Variants in CYP20A1 observed in about 807,000 individuals in gnomAD.
CYP20A1 encodes the protein cytochrome P450 20A1.
In CYP20A1, 61 loss-of-function variants were observed where a neutral mutation model predicts 61.4. The observed-to-expected ratio is 0.99, with a 90% CI of 0.81 to 1.23. The LOEUF (loss-of-function observed/expected upper bound fraction) is 1.23. Ranked by LOEUF, CYP20A1 falls within the 50% of genes most tolerant of loss-of-function variation. The probability of loss-of-function intolerance (pLI) is 0.00; values close to 1 mark genes in which losing one functional copy is unlikely to be tolerated. For missense variants in CYP20A1, 530 were observed against 542.4 expected (o/e 0.98, Z 0.23); for synonymous variants, 193 against 188.2 (o/e 1.03, Z -0.21).
chr2:203,279,038 C>G (rs1465279604), intron 7 of CYP20A1, among the ~76,000 whole-genome samples: 2 of 152,136 alleles, frequency 1.3e-5, no homozygotes, highest in Non-Finnish European at 2.9e-5. Context: ...GATCTCTGCT[C>G]ACTGCAACCT....
intron 4 of CYP20A1, among the ~76,000 whole-genome samples, chr2:203,257,750 C>T (rs2066947181): frequency 6.6e-6 from 1 of 151,796 alleles, no homozygotes; most frequent in African/African-American, 2.4e-5. Context: ...GATCGCTCCA[C>T]TGCACACCAG....
intron 8 of CYP20A1, among the ~76,000 whole-genome samples, chr2:203,284,306 C>G (rs1022096878): frequency 1.3e-5 from 2 of 152,104 alleles, no homozygotes; most frequent in Non-Finnish European, 2.9e-5. Context: ...GTATTTGACA[C>G]AGGAACAATA....
intron 10 of CYP20A1, among the ~76,000 whole-genome samples, chr2:203,291,636 A>G (rs1460843482): frequency 1.3e-5 from 2 of 151,396 alleles, no homozygotes; most frequent in African/African-American, 2.4e-5. Context: ...AATAACTTTT[A>G]CTGTTGCTTA....
At chr2:203,293,893 G>A (rs2068655778) in intron 11 of CYP20A1, among the ~76,000 whole-genome samples, 1 of 152,034 alleles carries the variant, frequency 6.6e-6, no homozygotes, top group African/African-American at 2.4e-5. Flanking sequence ...TTTAATATAT[G>A]CATTTCTTCA....
chr2:203,251,793 G>GTACATATA (rs1553513991), intron 3 of CYP20A1, among the ~76,000 whole-genome samples, 174 bp from the exon 4 acceptor site: 22 of 64,208 alleles, frequency 3.4e-4, no homozygotes, highest in African/African-American at 9.0e-4. Flanking sequence ...ATATATATGT[G>GTACATATA]TATATATATA....
rs375336499 is a variant in CYP20A1, at chr2:203,246,863, C to T, written c.231C>T (p.Leu77=). 5.2e-5 allele frequency: 84 copies of T among 1,614,140 alleles called. 1 individual carries two copies. In the South Asian group the frequency reaches 6.7e-4, roughly 13 times the overall value. Residue 77 remains leucine, a synonymous_variant, in exon 3 of 13, where the codon CTC becomes CTT. Coordinates refer to ENST00000356079, the MANE Select transcript of CYP20A1 (RefSeq NM_177538.3). ...TCTCCTTCTGGTTTGGCAGGCGCCT[C>T]GTGGTTAGTTTGGGCACTGTTGATG... The part of the protein sequence containing the change: ...PVVSFWFGRR[L]VVSLGTVDVL...
Position 203,305,057 on chromosome 2 carries a change from T to C in CYP20A1, c.*8149T>C, listed in dbSNP as rs917833181. Among the ~76,000 whole-genome samples, 1 of 152,172 alleles carries C rather than the reference T, an allele frequency of 6.6e-6. No homozygotes were observed. Among genetic ancestry groups the C allele is most frequent in the African/African-American group, 2.4e-5 (1 of 41,450 alleles). The stretch of plus-strand genomic sequence containing the variant: ...CAATTTTAATATTTGACTTATAGAA[T>C]TTTATGACACTAAATGGATAATTGT... On this transcript the variant is annotated 3_prime_UTR_variant, in exon 13 of 13. Coordinates refer to ENST00000356079, the MANE Select transcript of CYP20A1 (RefSeq NM_177538.3).
intron 5 of CYP20A1, among the ~76,000 whole-genome samples, chr2:203,269,752 C>T (rs2067487032): frequency 1.3e-5 from 2 of 152,042 alleles, no homozygotes; most frequent in African/African-American, 4.8e-5. Flanking sequence ...CCTCGGCCTC[C>T]CAAAGTGCTG....
At chr2:203,255,616 G>A (rs2066865037) in intron 4 of CYP20A1, among the ~76,000 whole-genome samples, 1 of 152,172 alleles carries the variant, frequency 6.6e-6, no homozygotes, top group South Asian at 2.1e-4. Context: ...TTTGGTATCT[G>A]TGGACTCTAG....
At chr2:203,243,870 T>A (rs940301034) in intron 1 of CYP20A1, among the ~76,000 whole-genome samples, 9 of 151,108 alleles carry the variant, frequency 6.0e-5, no homozygotes, top group African/African-American at 2.2e-4. Context: ...TTGTACTTTT[T>A]AAAGAGACGG....
intron 9 of CYP20A1, among the ~76,000 whole-genome samples, chr2:203,287,747 T>C (rs1357585099): frequency 6.6e-6 from 1 of 152,126 alleles, no homozygotes; most frequent in Non-Finnish European, 1.5e-5. Flanking sequence ...TAAGCTCTAA[T>C]ATAGCTTATG....
intron 12 of CYP20A1, 81 bp downstream of exon 12, chr2:203,296,644 G>T: frequency 7.1e-7 from 1 of 1,401,954 alleles, no homozygotes. Context: ...TATGATTAAA[G>T]TATTATTTTT....
chr2:203,252,374 GTA>G (rs34080677), intron 4 of CYP20A1, among the ~76,000 whole-genome samples: 133,251 of 149,572 alleles, frequency 0.89, 60,125 homozygotes, highest in Non-Finnish European at 0.96. Flanking sequence ...GTATGTATGT[GTA>G]TATATATATA....
At chr2:203,264,624 A>C (rs2067256627) in intron 4 of CYP20A1, among the ~76,000 whole-genome samples, 1 of 152,094 alleles carries the variant, frequency 6.6e-6, no homozygotes, top group Non-Finnish European at 1.5e-5. Context: ...TTTATAGCTA[A>C]TGAAATTTCT....
intron 9 of CYP20A1, among the ~76,000 whole-genome samples, chr2:203,287,240 GAAAA>G (rs1469626237): frequency 1.0e-5 from 1 of 97,282 alleles, no homozygotes; most frequent in Non-Finnish European, 2.2e-5. Flanking sequence ...AAAAAAAAAA[GAAAA>G]GATAACCACT....
chr2:203,296,549 G>A lies in CYP20A1; in HGVS notation c.1224G>A (p.Glu408=). ...CACTTGGATTCTCAGGCACACAGGA[G>A]TGTCCAGAGTTGAGGTGAATAATAG... The part of the protein sequence containing the change: ...FSSLGFSGTQ[E]CPELRFAYMV... Residue 408 remains glutamate (E), a synonymous_variant, in exon 12 of 13, where the codon GAG becomes GAA. Coordinates refer to ENST00000356079, the MANE Select transcript of CYP20A1 (RefSeq NM_177538.3). 2 of 1,610,376 alleles carry A rather than the reference G, an allele frequency of 1.2e-6. No individual in the cohort carries two copies. The highest frequency in any genetic ancestry group is 1.3e-5 in the African/African-American group (1 of 74,972).
At position 203,245,804 on chromosome 2, in the gene CYP20A1, GGATATAT is replaced by G. The variant is rs749371245; in HGVS notation, c.73-37_73-31del. The G allele has an allele frequency of 5.6e-6, 7 of 1,239,024 alleles. 1 individual carries two copies. In the South Asian group the frequency reaches 9.1e-5, roughly 16 times the overall value. The allele number at this position is 1,239,024 out of a possible 1,614,324, so 76.8% of individuals were successfully genotyped here. A position where few individuals can be genotyped will look rare whatever the true frequency, so the allele number is the denominator to read the frequency against. On this transcript the variant is annotated intron_variant, in intron 1 of 12. Coordinates refer to ENST00000356079, the MANE Select transcript of CYP20A1 (RefSeq NM_177538.3). ...GTTGGTGAAACACATCTGACTTATG[GGATATAT>G]GATAATTCATTATTATAAACTTTTT... is the stretch of plus-strand genomic sequence containing the variant.
intron 5 of CYP20A1, 115 bp from the exon 6 acceptor site, chr2:203,272,550 CAAAAA>C (rs368688435): frequency 6.2e-4 from 82 of 132,304 alleles, no homozygotes; most frequent in Middle Eastern, 3.1e-3. Context: ...AACCCTGACT[CAAAAA>C]AAAAAAAAAA....
intron 5 of CYP20A1, among the ~76,000 whole-genome samples, chr2:203,269,016 AT>A (rs1178052358): frequency 6.6e-6 from 1 of 152,214 alleles, no homozygotes; most frequent in Non-Finnish European, 1.5e-5. Context: ...AAAAACATAC[AT>A]CTTTCCTTCA....
Sources: allele counts gnomAD v4.1 joint callset (sites outside exome capture counted in the v4.1 genomes callset), GRCh38; gene constraint gnomAD v4.1.1; transcripts MANE v1.5; gene names NCBI Gene and HGNC (gene_info 2026-07-23, HGNC 2026-07-21).